Variants in TRHDE observed in about 807,000 individuals in gnomAD.
TRHDE encodes the protein thyrotropin releasing hormone degrading enzyme.
A neutral mutation model predicts 125.7 loss-of-function variants in TRHDE; 72 were observed. The observed-to-expected ratio is 0.57, with a 90% CI of 0.47 to 0.70. The LOEUF (loss-of-function observed/expected upper bound fraction) is 0.70. Among genes scored for constraint, TRHDE ranks in the 30% least tolerant of loss-of-function variants. TRHDE has a pLI of 0.00. For synonymous variants in TRHDE, 509 were observed against 509.1 expected, an observed-to-expected ratio of 1.00 and a Z score of 0.00; for missense variants, 1,110 against 1,327.1, an observed-to-expected ratio of 0.84 and a Z score of 2.54.
chr12:72,483,314 C>G (rs1877259939), intron 5 of TRHDE, among the ~76,000 whole-genome samples: 1 of 151,886 alleles, frequency 6.6e-6, no homozygotes. Context: ...CTTTTTCTAC[C>G]TATCCCATGA....
chr12:72,533,620 C>G (rs1409084320), intron 6 of TRHDE, among the ~76,000 whole-genome samples: 1 of 147,716 alleles, frequency 6.8e-6, no homozygotes, highest in Non-Finnish European at 1.5e-5. Context: ...TCTTTTTTAC[C>G]TCTATTACTT....
rs1233286931 is a variant in TRHDE, at chr12:72,562,843, C to T, written c.1855-10C>T. 3 of 1,514,890 alleles carry T rather than the reference C, an allele frequency of 2.0e-6. No individual in the cohort carries two copies. The highest frequency in any genetic ancestry group is 1.8e-6 in the Non-Finnish European group (2 of 1,129,186). The allele number at this position is 1,514,890 out of a possible 1,614,324, so 93.8% of individuals were successfully genotyped here. On this transcript the variant is annotated splice_polypyrimidine_tract_variant and intron_variant, in intron 8 of 18. Coordinates refer to ENST00000261180, the MANE Select transcript of TRHDE (RefSeq NM_013381.3). ...TTATAAAACTAATTTGTACATTTTT[C>T]CTTGTGAAGGCTTTAAAAAGAAATG...
chr12:72,540,225 A>G (rs1214899), intron 6 of TRHDE, among the ~76,000 whole-genome samples: 82,561 of 151,518 alleles, frequency 0.54, 26,628 homozygotes, highest in South Asian at 0.74. Context: ...CACTCCAGAG[A>G]CTATTAAAAT....
chr12:72,152,639 A>G lies in TRHDE; in HGVS notation n.279+46887A>G, dbSNP rs945636252. On this transcript the variant is annotated intron_variant and non_coding_transcript_variant, in intron 2 of 4. Coordinates refer to the TRHDE transcript ENST00000548156. Reference sequence around the variant, plus strand: ...GAAATTTGTCAAAGGCCTTTTCTGCATCTATTGAGATAATCACGTGTTTTT... The same window carrying G: ...GAAATTTGTCAAAGGCCTTTTCTGCGTCTATTGAGATAATCACGTGTTTTT... Among the ~76,000 whole-genome samples the G allele has an allele frequency of 1.3e-5, 2 of 152,220 alleles. 1 individual carries two copies. Among genetic ancestry groups the G allele is most frequent in the South Asian group, 4.1e-4 (2 of 4,836 alleles).
chr12:72,537,318 AG>A lies in TRHDE; in HGVS notation c.1723-4969del, dbSNP rs1453889406. Among the ~76,000 whole-genome samples, 8 of 152,058 alleles carry A rather than the reference AG, an allele frequency of 5.3e-5. No individual in the cohort carries two copies. In the East Asian group the frequency reaches 1.2e-3, roughly 22 times the overall value. On this transcript the variant is annotated intron_variant, in intron 6 of 18. Transcript: ENST00000261180. ...AATTGTCATCCCCACTTGTCAAGGG[AG>A]GGGACCTGTAATCCCCACATGTCAA...
chr12:72,296,432 G>C (rs1213494169), intron 2 of TRHDE, among the ~76,000 whole-genome samples: 1 of 152,232 alleles, frequency 6.6e-6, no homozygotes, highest in East Asian at 1.9e-4. Context: ...TGCAGACTCT[G>C]AGGAGAAATG....
chr12:72,396,525 C>T (rs915319326), intron 3 of TRHDE, among the ~76,000 whole-genome samples: 1 of 152,096 alleles, frequency 6.6e-6, no homozygotes, highest in Admixed American at 6.5e-5. Flanking sequence ...GCGGGTGGAT[C>T]ATGAGGTCAA....
At chr12:72,429,229 G>GAA (rs1874322272) in intron 3 of TRHDE, among the ~76,000 whole-genome samples, 1 of 151,820 alleles carries the variant, frequency 6.6e-6, no homozygotes, top group African/African-American at 2.4e-5. Flanking sequence ...AGCATTAGAA[G>GAA]AAATACCTAA....
At chr12:72,195,569 C>A (rs941421891) in intron 2 of TRHDE, among the ~76,000 whole-genome samples, 1 of 151,802 alleles carries the variant, frequency 6.6e-6, no homozygotes, top group Non-Finnish European at 1.5e-5. Context: ...CTGTTCATGT[C>A]TTTTGACCAT....
intron 18 of TRHDE, among the ~76,000 whole-genome samples, chr12:72,661,435 A>AT (rs1459995876): frequency 6.6e-6 from 1 of 152,072 alleles, no homozygotes; most frequent in East Asian, 1.9e-4. Context: ...AGCATATGTA[A>AT]TTTTTTTCCG....
At chr12:72,486,306 C>T (rs867264789) in intron 5 of TRHDE, among the ~76,000 whole-genome samples, 1 of 152,122 alleles carries the variant, frequency 6.6e-6, no homozygotes, top group Non-Finnish European at 1.5e-5. Context: ...TTTTACAAGA[C>T]CCTGATCCCA....
At chr12:72,250,352 T>G (rs1213073276) in intron 2 of TRHDE, among the ~76,000 whole-genome samples, 1 of 152,154 alleles carries the variant, frequency 6.6e-6, no homozygotes, top group African/African-American at 2.4e-5. Context: ...CAGTGTAGAA[T>G]GTAGAAATGT....
chr12:72,530,278 C>T (rs1173594438), intron 6 of TRHDE, among the ~76,000 whole-genome samples: 1 of 152,044 alleles, frequency 6.6e-6, no homozygotes, highest in African/African-American at 2.4e-5. Flanking sequence ...ATCATTTACT[C>T]AAACTTTTCT....
chr12:72,321,158 G>A (rs1166469544), intron 2 of TRHDE, among the ~76,000 whole-genome samples: 2 of 152,110 alleles, frequency 1.3e-5, no homozygotes, highest in Non-Finnish European at 2.9e-5. Context: ...TAATAGAAAT[G>A]CTTATCTTTT....
At chr12:72,242,259 CT>C (rs1294368596) in intron 2 of TRHDE, among the ~76,000 whole-genome samples, 1 of 152,108 alleles carries the variant, frequency 6.6e-6, no homozygotes, top group Non-Finnish European at 1.5e-5. Flanking sequence ...CTTTTTTGAG[CT>C]CCCTCTTCTC....
At chr12:72,510,554 C>T (rs1878540622) in intron 6 of TRHDE, among the ~76,000 whole-genome samples, 1 of 152,054 alleles carries the variant, frequency 6.6e-6, no homozygotes, top group South Asian at 2.1e-4. Flanking sequence ...ACATGGGATT[C>T]ACATCTTATT....
chr12:72,288,978 T>G (rs1373028739), intron 2 of TRHDE, among the ~76,000 whole-genome samples: 2 of 152,138 alleles, frequency 1.3e-5, no homozygotes, highest in Non-Finnish European at 2.9e-5. Flanking sequence ...CGTTGGGAGC[T>G]CTTATTTATC....
At chr12:72,243,989 CAT>C (rs1487284256) in intron 2 of TRHDE, among the ~76,000 whole-genome samples, 1 of 152,152 alleles carries the variant, frequency 6.6e-6, no homozygotes, top group Non-Finnish European at 1.5e-5. Flanking sequence ...GTATGTATAA[CAT>C]ATAGTCCTAC....
chr12:72,429,563 T>G (rs1254637444), intron 3 of TRHDE, among the ~76,000 whole-genome samples: 3 of 151,962 alleles, frequency 2.0e-5, no homozygotes, highest in Non-Finnish European at 4.4e-5. Flanking sequence ...AATTACTGGA[T>G]CATGTGGGAA....
Sources: allele counts gnomAD v4.1 joint callset (sites outside exome capture counted in the v4.1 genomes callset), GRCh38; gene constraint gnomAD v4.1.1; transcripts MANE v1.5; gene names NCBI Gene and HGNC (gene_info 2026-07-23, HGNC 2026-07-21).